Variants in HLF observed in about 807,000 individuals in gnomAD.
The protein encoded by HLF is HLF transcription factor, PAR bZIP family member.
In HLF, 3 loss-of-function variants were observed where a neutral mutation model predicts 22.6. The observed-to-expected ratio is 0.13, with a 90% CI of 0.06 to 0.34. The LOEUF is 0.34. Ranked by LOEUF, HLF falls within the 10% of genes least tolerant of loss-of-function variation. The pLI, the probability that HLF is intolerant of heterozygous loss-of-function variation, is 1.00. For synonymous variants in HLF, 151 were observed against 151.8 expected (o/e 0.99, Z 0.04); for missense variants, 299 against 389.2 (o/e 0.77, Z 1.95).
intron 2 of HLF, among the ~76,000 whole-genome samples, chr17:55,274,109 G>C (rs2080883338): frequency 6.6e-6 from 1 of 152,062 alleles, no homozygotes; most frequent in African/African-American, 2.4e-5. Context: ...AGAAGGAAAG[G>C]GGGTGGGGGA....
intron 2 of HLF, among the ~76,000 whole-genome samples, chr17:55,281,313 A>G (rs1365745791): frequency 1.3e-5 from 2 of 152,218 alleles, no homozygotes; most frequent in Non-Finnish European, 2.9e-5. Context: ...CAGGAGCTCG[A>G]GACCAGCCTG....
intron 1 of HLF, among the ~76,000 whole-genome samples, chr17:55,266,533 T>C (rs534714571): frequency 6.1e-4 from 93 of 152,306 alleles, no homozygotes; most frequent in African/African-American, 2.2e-3. Flanking sequence ...TGCACCTTCT[T>C]TTCTAGGAGA....
At chr17:55,301,229 T>A (rs2081155089) in intron 2 of HLF, among the ~76,000 whole-genome samples, 2 of 152,268 alleles carry the variant, frequency 1.3e-5, no homozygotes, top group South Asian at 4.1e-4. Flanking sequence ...TGCAATCTAA[T>A]AACCTTTTTA....
intron 2 of HLF, among the ~76,000 whole-genome samples, chr17:55,314,134 A>C (rs1904968164): frequency 6.6e-6 from 1 of 152,200 alleles, no homozygotes; most frequent in Non-Finnish European, 1.5e-5. Flanking sequence ...GAAAACTAGA[A>C]GTTAAAATTC....
Position 55,265,032 on chromosome 17 carries a change from G to A in HLF, c.-453G>A, listed in dbSNP as rs565699885. 2.9e-5 allele frequency: 5 copies of A among 172,444 alleles called. No individual in the cohort carries two copies. Among genetic ancestry groups the A allele is most frequent in the Non-Finnish European group, 6.2e-5 (5 of 80,742 alleles). The allele number at this position is 172,444 out of a possible 1,614,324, so 10.7% of individuals were successfully genotyped here. On this transcript the variant is annotated 5_prime_UTR_variant, in exon 1 of 4. Transcript: ENST00000226067. ...GGCGCTGCGGGGCCGCGGAGCGCTG[G>A]GGAGCAGCGGCCGCCGGCGCGGGGA...
At chr17:55,310,548 T>A (rs1904784199) in intron 2 of HLF, among the ~76,000 whole-genome samples, 1 of 152,240 alleles carries the variant, frequency 6.6e-6, no homozygotes, top group East Asian at 1.9e-4. Flanking sequence ...TAAAAGCATA[T>A]TCCTTTAAAG....
rs183561062 is a variant in HLF at position 55,307,218 on chromosome 17, A to G, written c.452-8009A>G. Among the ~76,000 whole-genome samples the G allele has an allele frequency of 5.5e-3, 783 of 143,488 alleles. 6 individuals are homozygous for G. The highest frequency in any genetic ancestry group is 8.9e-3 in the Non-Finnish European group (598 of 66,994). The allele number at this position is 143,488 out of a possible 152,430, so 94.1% of individuals were successfully genotyped here. ...ACCCAGGCTGGAGTGCAGTGGCGCA[A>G]TCTTGGCTCACTGTAGCCTCCACCT... On this transcript the variant is annotated intron_variant, in intron 2 of 3. Transcript: ENST00000226067.
chr17:55,271,081 C>A (rs889858719), intron 2 of HLF, among the ~76,000 whole-genome samples: 2 of 152,192 alleles, frequency 1.3e-5, no homozygotes, highest in Non-Finnish European at 2.9e-5. Flanking sequence ...GTCCCCTGGG[C>A]ATAATACAGT....
Position 55,324,175 on chromosome 17 carries a change from C to T in HLF, c.*3296C>T, listed in dbSNP as rs1291943497. On this transcript the variant is annotated 3_prime_UTR_variant, in exon 4 of 4. Coordinates refer to ENST00000226067, the MANE Select transcript of HLF (RefSeq NM_002126.5). ...TACAACAGGCCTCCACTGACCCATC[C>T]CTCAAAGCAGAAGGACCCTTTGAGG... 4.4e-5 allele frequency: 10 copies of T among 225,128 alleles called. No homozygotes were observed. Among genetic ancestry groups the T allele is most frequent in the Admixed American group, 2.9e-4 (5 of 17,516 alleles). 13.9% of individuals were successfully genotyped at this position (225,128 alleles called of 1,614,324 possible).
Position 55,320,725 on chromosome 17 carries a change from C to A in HLF, c.734C>A (p.Ala245Asp), listed in dbSNP as rs1905235847. Residue 245 changes from alanine (A) to aspartate (D), a missense_variant, in exon 4 of 4, where the codon GCC becomes GAC. Around this residue, in one of 3 missense-constraint regions of HLF, gnomAD observed 224 missense variants for 298.1 expected, o/e 0.75. Transcript: ENST00000226067. This position sits in a 1 kb window ranked among gnomAD's most constrained non-coding sequence, Gnocchi z 4.2. ...NNMAAKRSRD[A>D]RRLKENQIAI... Reference sequence around the variant, plus strand: ...ATGGCAGCCAAGCGCTCCCGCGACGCCCGGAGGCTGAAAGAGAACCAGATC... The same window carrying A: ...ATGGCAGCCAAGCGCTCCCGCGACGACCGGAGGCTGAAAGAGAACCAGATC... 1.2e-6 allele frequency: 2 copies of A among 1,614,104 alleles called. No homozygotes were observed. Among genetic ancestry groups the A allele is most frequent in the Non-Finnish European group, 8.5e-7 (1 of 1,180,038 alleles).
chr17:55,296,856 G>C (rs2145341470), intron 2 of HLF, among the ~76,000 whole-genome samples: 1 of 150,606 alleles, frequency 6.6e-6, no homozygotes, highest in East Asian at 1.9e-4. Flanking sequence ...TTTTTTTACA[G>C]AGCCCAGGCC....
At chr17:55,277,179 G>C (rs1255961665) in intron 2 of HLF, among the ~76,000 whole-genome samples, 1 of 151,732 alleles carries the variant, frequency 6.6e-6, no homozygotes, top group Non-Finnish European at 1.5e-5. Flanking sequence ...ACTTTTAAAT[G>C]CCTCTATTTT....
chr17:55,266,253 G>C (rs1480377075), intron 1 of HLF: 1 of 152,304 alleles, frequency 6.6e-6, no homozygotes, highest in African/African-American at 2.4e-5. Flanking sequence ...TGGTGGGAGG[G>C]GAGAGCGGAG....
At chr17:55,291,042 G>A (rs2081057173) in intron 2 of HLF, among the ~76,000 whole-genome samples, 1 of 152,232 alleles carries the variant, frequency 6.6e-6, no homozygotes, top group African/African-American at 2.4e-5. Flanking sequence ...AGGTAAGGAA[G>A]CTACAGAAGA....
intron 2 of HLF, among the ~76,000 whole-genome samples, chr17:55,277,239 GTA>G (rs766032178): frequency 0.11 from 7,776 of 73,302 alleles, 266 homozygotes; most frequent in African/African-American, 0.2. Context: ...GATGTTATGT[GTA>G]TGTGTGTGTG....
At position 55,265,369 on chromosome 17, in the gene HLF, G is replaced by A; in HGVS notation, c.-116G>A. ...ATTTTTTTCTTCCCTTTTCTCCACC[G>A]CCTTGAGAGCGAGTACTTTTGGCAA... On this transcript the variant is annotated 5_prime_UTR_variant, in exon 1 of 4. Transcript: ENST00000226067. The A allele has an allele frequency of 4.7e-6, 3 of 634,654 alleles. No individual in the cohort carries two copies. Among genetic ancestry groups the A allele is most frequent in the South Asian group, 1.8e-5 (1 of 55,080 alleles). 39.3% of individuals were successfully genotyped at this position (634,654 alleles called of 1,614,324 possible). A position where few individuals can be genotyped will look rare whatever the true frequency, so the allele number is the denominator to read the frequency against.
intron 2 of HLF, among the ~76,000 whole-genome samples, chr17:55,305,141 CCT>C (rs1384158235): frequency 6.6e-6 from 1 of 152,148 alleles, no homozygotes; most frequent in African/African-American, 2.4e-5. Context: ...CATCAGACAC[CCT>C]GTCTGCCGGG....
chr17:55,272,930 G>A (rs1196349800), intron 2 of HLF: 1 of 152,352 alleles, frequency 6.6e-6, no homozygotes, highest in Non-Finnish European at 1.5e-5. Context: ...ATTCATCAGG[G>A]GCTAGGAGAT....
At chr17:55,298,520 AG>A (rs1461391526) in intron 2 of HLF, among the ~76,000 whole-genome samples, 3 of 152,240 alleles carry the variant, frequency 2.0e-5, no homozygotes, top group African/African-American at 7.2e-5. Flanking sequence ...AGCAGGAGAC[AG>A]ATGGGTTTAG....
Sources: gnomAD v4.1 joint callset for allele counts (sites outside exome capture counted in the v4.1 genomes callset) on GRCh38, gnomAD v4.1.1 for gene constraint, gnomAD v4.1.1 regional missense constraint, Gnocchi (gnomAD v3.1) non-coding constraint, MANE v1.5 for transcripts, NCBI Gene and HGNC (gene_info 2026-07-23, HGNC 2026-07-21) for gene names.